Variants in GABRA3 observed in about 807,000 individuals in gnomAD.
GABRA3 encodes the protein gamma-aminobutyric acid receptor subunit alpha-3.
Under a neutral mutation model 30.1 loss-of-function variants are expected in GABRA3, and 10 were observed. The ratio of observed to expected loss-of-function variants is 0.33; its 90% CI spans 0.20 to 0.56. The LOEUF (loss-of-function observed/expected upper bound fraction) is 0.56. Ranked by LOEUF, GABRA3 falls within the 20% of genes least tolerant of loss-of-function variation. The pLI is 0.89. For missense variants in GABRA3, 233 were observed against 392.0 expected (o/e 0.59, Z 3.42); for synonymous variants, 151 against 146.8 (o/e 1.03, Z -0.21).
At position 152,268,838 on chromosome X, in the gene GABRA3, G is replaced by A. The variant is rs759416443; in HGVS notation, c.331-12840C>T. ...GTGTGCCTGGACCACCCAAAGTGCT[G>A]AGATTGCAGGCATGAGCCACTGTGC... On this transcript the variant is annotated intron_variant, in intron 4 of 9. Coordinates refer to ENST00000370314, the MANE Select transcript of GABRA3 (RefSeq NM_000808.4). Among the ~76,000 whole-genome samples the A allele has an allele frequency of 2.7e-5, 3 of 111,943 alleles. No individual in the cohort carries two copies. In the East Asian group the frequency reaches 8.5e-4, roughly 32 times the overall value.
At chrX:152,397,875 G>A (rs1929701987) in intron 1 of GABRA3, among the ~76,000 whole-genome samples, 1 of 111,229 alleles carries the variant, frequency 9.0e-6, no homozygotes, top group Non-Finnish European at 1.9e-5. Context: ...ATCCCAAGGT[G>A]AAGCATGTAG....
At chrX:152,196,980 T>C (rs1220909846) in intron 8 of GABRA3, among the ~76,000 whole-genome samples, 1 of 112,346 alleles carries the variant, frequency 8.9e-6, no homozygotes, top group South Asian at 3.7e-4. Context: ...ATCATTGCCA[T>C]GGAGGCCAGT....
chrX:152,306,937 GA>G (rs769766329), intron 3 of GABRA3, among the ~76,000 whole-genome samples: 109 of 111,164 alleles, frequency 9.8e-4, no homozygotes, highest in African/African-American at 3.4e-3. Context: ...CCCTTTTATA[GA>G]AAATATATCA....
chrX:152,337,654 C>T (rs1940253463), intron 3 of GABRA3, among the ~76,000 whole-genome samples: 1 of 110,659 alleles, frequency 9.0e-6, no homozygotes, highest in East Asian at 2.9e-4. Context: ...CATAGTGAGA[C>T]CCTGTCTCTA....
chrX:152,368,985 G>A (rs749288034), intron 1 of GABRA3, among the ~76,000 whole-genome samples: 26 of 111,683 alleles, frequency 2.3e-4, no homozygotes, highest in African/African-American at 6.2e-4. Context: ...GATTACAGGC[G>A]TAAGCCACCG....
chrX:152,277,462 T>G (rs1341681026), intron 4 of GABRA3, among the ~76,000 whole-genome samples: 1 of 111,239 alleles, frequency 9.0e-6, no homozygotes, highest in Non-Finnish European at 1.9e-5. Flanking sequence ...TATTGTATAC[T>G]TGCACCATTT....
rs1045703855 is a variant in GABRA3, at chrX:152,237,220, C to A, written c.552-12375G>T. 5.7e-4 allele frequency among the ~76,000 whole-genome samples: 63 copies of A among 111,066 alleles called. 1 individual carries two copies. The East Asian group carries it at 0.011, about 19-fold the overall frequency. ...GTTTCAGCTTTCTCCATATGGCTAG[C>A]CAGTTTTCCCAGCACCATTTATTAA... On this transcript the variant is annotated intron_variant, in intron 5 of 9. Transcript: ENST00000370314.
chrX:152,213,069 T>C (rs1470893432), intron 6 of GABRA3, among the ~76,000 whole-genome samples: 1 of 111,786 alleles, frequency 8.9e-6, no homozygotes, highest in Admixed American at 9.5e-5. Context: ...TCATGAGCTA[T>C]AATGGCAAAA....
chrX:152,348,666 C>A (rs1359652650), intron 2 of GABRA3, among the ~76,000 whole-genome samples: 4 of 111,574 alleles, frequency 3.6e-5, no homozygotes, highest in Non-Finnish European at 5.6e-5. Flanking sequence ...TGCAATAAAG[C>A]AAATATCACA....
chrX:152,414,884 C>T (rs1319234977), intron 1 of GABRA3, among the ~76,000 whole-genome samples: 1 of 104,570 alleles, frequency 9.6e-6, no homozygotes, highest in Non-Finnish European at 2.0e-5. Flanking sequence ...CATGGAGGAA[C>T]CTTAAATGTA....
chrX:152,274,402 A>C (rs752113767), intron 4 of GABRA3, among the ~76,000 whole-genome samples: 1 of 110,884 alleles, frequency 9.0e-6, no homozygotes, highest in Non-Finnish European at 1.9e-5. Flanking sequence ...CCCGACAAAA[A>C]AAAATGACCA....
rs1446858610 is a variant in GABRA3 at position 152,348,629 on chromosome X, G to A, written c.141-2927C>T. Among the ~76,000 whole-genome samples the A allele has an allele frequency of 2.7e-5, 3 of 111,130 alleles. No homozygotes were observed. The East Asian group carries it at 8.6e-4, about 32-fold the overall frequency. ...GTGAGACCTACAGGCATACCTCTGG[G>A]ATATTGTGAGTTTGGTTCCAGGCCA... is the stretch of plus-strand genomic sequence containing the variant. On this transcript the variant is annotated intron_variant, in intron 2 of 9. Coordinates refer to ENST00000370314, the MANE Select transcript of GABRA3 (RefSeq NM_000808.4).
chrX:152,187,146 C>G (rs1937266324), intron 9 of GABRA3: 1 of 111,691 alleles, frequency 9.0e-6, no homozygotes, highest in East Asian at 2.8e-4. Flanking sequence ...TACCTTTGTT[C>G]ACTTTTCCTC....
chrX:152,226,570 G>A (rs1374703768), intron 5 of GABRA3, among the ~76,000 whole-genome samples: 4 of 111,531 alleles, frequency 3.6e-5, no homozygotes, highest in Non-Finnish European at 7.5e-5. Flanking sequence ...CACAGCTAAA[G>A]AAACTACCAT....
chrX:152,450,285 C>A (rs765795781), intron 1 of GABRA3, among the ~76,000 whole-genome samples: 36 of 110,195 alleles, frequency 3.3e-4, no homozygotes, highest in Middle Eastern at 4.6e-3. Context: ...CAGCCACAGT[C>A]AGAGGAGCAA....
chrX:152,263,099 A>G (rs1938760665), intron 4 of GABRA3, among the ~76,000 whole-genome samples: 1 of 111,215 alleles, frequency 9.0e-6, no homozygotes, highest in African/African-American at 3.3e-5. Flanking sequence ...TATCACAAGA[A>G]CAGCATGAGA....
At chrX:152,339,951 T>G (rs1940290909) in intron 3 of GABRA3, among the ~76,000 whole-genome samples, 1 of 112,049 alleles carries the variant, frequency 8.9e-6, no homozygotes, top group Non-Finnish European at 1.9e-5. Flanking sequence ...AGGGAGAAAT[T>G]TGCTCTTTTT....
intron 1 of GABRA3, among the ~76,000 whole-genome samples, chrX:152,421,366 G>A (rs1930369553): frequency 9.0e-6 from 1 of 110,955 alleles, no homozygotes; most frequent in South Asian, 3.8e-4. Flanking sequence ...ATGCCATTAA[G>A]TGAAGACTTA....
chrX:152,382,982 C>A (rs1929186305), intron 1 of GABRA3, among the ~76,000 whole-genome samples: 1 of 111,453 alleles, frequency 9.0e-6, no homozygotes, highest in Non-Finnish European at 1.9e-5. Flanking sequence ...GTTCTTTTTG[C>A]TCAAGATTAT....
Sources: allele counts gnomAD v4.1 joint callset (sites outside exome capture counted in the v4.1 genomes callset), GRCh38; gene constraint gnomAD v4.1.1; transcripts MANE v1.5; gene names NCBI Gene and HGNC (gene_info 2026-07-23, HGNC 2026-07-21).